Variants in BCAS3 observed in about 807,000 individuals in gnomAD.
The protein encoded by BCAS3 is BCAS4/BCAS3 fusion.
In BCAS3, 53 loss-of-function variants were observed where a neutral mutation model predicts 116.1. The ratio of observed to expected loss-of-function variants is 0.46; its 90% CI spans 0.37 to 0.57. The LOEUF (loss-of-function observed/expected upper bound fraction) is 0.57, where lower values mean the gene tolerates loss of function less well. Among genes scored for constraint, BCAS3 ranks in the 20% least tolerant of loss-of-function variants. BCAS3 has a pLI of 0.00. For missense variants in BCAS3, 917 were observed against 1,165.4 expected, an observed-to-expected ratio of 0.79 and a Z score of 3.10; for synonymous variants, 391 against 408.2, an observed-to-expected ratio of 0.96 and a Z score of 0.51.
rs1286600713 is a variant in BCAS3 at position 61,346,401 on chromosome 17, A to C, written c.2426-21926A>C. 1.3e-5 allele frequency among the ~76,000 whole-genome samples: 2 copies of C among 152,234 alleles called. No homozygotes were observed. The highest frequency in any genetic ancestry group is 3.8e-4 in the East Asian group (2 of 5,196). ...GTCTAAAGTTCTGGCCTCCGGTTCC[A>C]GCTCTGTGGCCTAATACAAAGTCAC... is the stretch of plus-strand genomic sequence containing the variant. On this transcript the variant is annotated intron_variant, in intron 22 of 23. Coordinates refer to ENST00000407086, the MANE Select transcript of BCAS3 (RefSeq NM_017679.5). The surrounding 1 kb of genome is among the most constrained non-coding windows in gnomAD (Gnocchi z 5.4).
intron 7 of BCAS3, among the ~76,000 whole-genome samples, chr17:60,823,079 A>C (rs1307595840): frequency 6.6e-6 from 1 of 152,208 alleles, no homozygotes; most frequent in Non-Finnish European, 1.5e-5. Flanking sequence ...TATGGTTTCT[A>C]GTGGTTTCTC....
intron 8 of BCAS3, among the ~76,000 whole-genome samples, chr17:60,869,656 A>G (rs2054924358): frequency 6.6e-6 from 1 of 152,236 alleles, no homozygotes; most frequent in African/African-American, 2.4e-5. Context: ...TATAGGATGT[A>G]GGAAAAATAC....
At chr17:61,271,581 G>A (rs900108275) in intron 22 of BCAS3, among the ~76,000 whole-genome samples, 3 of 138,724 alleles carry the variant, frequency 2.2e-5, no homozygotes, top group African/African-American at 5.5e-5. Flanking sequence ...CCGCCATCAC[G>A]CCCAGCTCTG....
At chr17:61,177,700 A>G (rs1282100252) in intron 22 of BCAS3, among the ~76,000 whole-genome samples, 1 of 152,218 alleles carries the variant, frequency 6.6e-6, no homozygotes, top group Non-Finnish European at 1.5e-5. Context: ...TGTCTAACTT[A>G]GTGTATGCAA....
At chr17:60,981,381 C>A (rs904328014) in intron 14 of BCAS3, among the ~76,000 whole-genome samples, 1 of 151,792 alleles carries the variant, frequency 6.6e-6, no homozygotes, top group Admixed American at 6.6e-5. Flanking sequence ...CTCCCAGGTT[C>A]AAGCAATTCT....
chr17:61,166,029 A>G (rs1022346353), intron 22 of BCAS3, among the ~76,000 whole-genome samples: 5 of 152,364 alleles, frequency 3.3e-5, no homozygotes, highest in East Asian at 1.9e-4. Context: ...TGGTAAGGAC[A>G]TAGCTAAAGT....
intron 22 of BCAS3, among the ~76,000 whole-genome samples, chr17:61,216,559 T>TTTAG (rs2081804028): frequency 6.6e-6 from 1 of 151,672 alleles, no homozygotes; most frequent in African/African-American, 2.4e-5. Context: ...TATTTATTTA[T>TTTAG]TTTTGAGTTG....
At position 61,235,907 on chromosome 17, in the gene BCAS3, C is replaced by T. The variant is rs2083019380; in HGVS notation, c.2426-132420C>T. Among the ~76,000 whole-genome samples, 1 of 152,116 alleles carries T rather than the reference C, an allele frequency of 6.6e-6. No individual in the cohort carries two copies. Among genetic ancestry groups the T allele is most frequent in the Non-Finnish European group, 1.5e-5 (1 of 68,022 alleles). On this transcript the variant is annotated intron_variant, in intron 22 of 23. Coordinates refer to ENST00000407086, the MANE Select transcript of BCAS3 (RefSeq NM_017679.5). The surrounding 1 kb of genome is among the most constrained non-coding windows in gnomAD (Gnocchi z 5.0). ...TCAGCTCACATGACATACCCAGAGG[C>T]GAATGCTAGCCTGTGCTGTTTTTGA...
At chr17:61,319,082 C>G (rs1417574670) in intron 22 of BCAS3, among the ~76,000 whole-genome samples, 1 of 152,188 alleles carries the variant, frequency 6.6e-6, no homozygotes, top group Non-Finnish European at 1.5e-5. Context: ...AAAGCCCTTC[C>G]ACTTCCAAAT....
intron 13 of BCAS3, among the ~76,000 whole-genome samples, chr17:60,930,149 C>G (rs2059570604): frequency 6.6e-6 from 1 of 152,078 alleles, no homozygotes; most frequent in African/African-American, 2.4e-5. Flanking sequence ...ATGACATACT[C>G]CAGTCCTTCT....
intron 6 of BCAS3, among the ~76,000 whole-genome samples, chr17:60,759,903 G>A (rs1170603958): frequency 6.6e-6 from 1 of 152,204 alleles, no homozygotes; most frequent in Non-Finnish European, 1.5e-5. Flanking sequence ...CTGACTTAAA[G>A]TGGTTCTCCC....
At position 61,244,383 on chromosome 17, in the gene BCAS3, T is replaced by C. The variant is rs1212551071; in HGVS notation, c.2426-123944T>C. ...TGTCCAGTAATGAATGTGTTTTCCT[T>C]TGCTTTTTTACTTAGCACTATATTG... On this transcript the variant is annotated intron_variant, in intron 22 of 23. Coordinates refer to ENST00000407086, the MANE Select transcript of BCAS3 (RefSeq NM_017679.5). This position sits in a 1 kb window ranked among gnomAD's most constrained non-coding sequence, Gnocchi z 4.9. Among the ~76,000 whole-genome samples, 1 of 152,224 alleles carries C rather than the reference T, an allele frequency of 6.6e-6. No individual in the cohort carries two copies. Among genetic ancestry groups the C allele is most frequent in the Non-Finnish European group, 1.5e-5 (1 of 68,038 alleles).
At chr17:61,304,925 T>C (rs2053730723) in intron 22 of BCAS3, among the ~76,000 whole-genome samples, 1 of 152,072 alleles carries the variant, frequency 6.6e-6, no homozygotes, top group Admixed American at 6.5e-5. Context: ...AGCTAATTTT[T>C]TTTGTATTAT....
chr17:60,800,429 T>G (rs1054261111), intron 6 of BCAS3, among the ~76,000 whole-genome samples: 10 of 152,202 alleles, frequency 6.6e-5, no homozygotes, highest in African/African-American at 2.4e-4. Context: ...CTTTGCCCAT[T>G]TTCTAATTGG....
At chr17:60,975,455 C>T (rs2062276523) in intron 14 of BCAS3, among the ~76,000 whole-genome samples, 2 of 152,282 alleles carry the variant, frequency 1.3e-5, no homozygotes, top group South Asian at 2.1e-4. Flanking sequence ...TTAAAAGAAA[C>T]CACAAACTAT....
At chr17:60,735,158 T>C (rs79371490) in intron 5 of BCAS3, among the ~76,000 whole-genome samples, 3,570 of 152,222 alleles carry the variant, frequency 0.023, 130 homozygotes, top group African/African-American at 0.079. Flanking sequence ...GTGACTTTTG[T>C]GTATTAACCT....
At chr17:60,733,973 G>C (rs1598366513) in intron 5 of BCAS3, among the ~76,000 whole-genome samples, 2 of 152,102 alleles carry the variant, frequency 1.3e-5, no homozygotes, top group South Asian at 2.1e-4. Context: ...TTATGCTCTT[G>C]ACAATGTCTT....
At chr17:61,040,714 C>G in intron 18 of BCAS3, 78 bp from the exon 19 acceptor site, 2 of 1,170,830 alleles carry the variant, frequency 1.7e-6, no homozygotes, top group Non-Finnish European at 2.6e-6. Flanking sequence ...AGTCACTGTT[C>G]ATAAGTGATG....
intron 22 of BCAS3, among the ~76,000 whole-genome samples, chr17:61,176,138 C>CAAAAAAAAAAAAAAA (rs534042215): frequency 4.0e-5 from 2 of 50,040 alleles, no homozygotes; most frequent in African/African-American, 6.6e-5. Context: ...GACCCTATCT[C>CAAAAAAAAAAAAAAA]AAAAAAAAAA....
Sources: allele counts gnomAD v4.1 joint callset (sites outside exome capture counted in the v4.1 genomes callset), GRCh38; gene constraint gnomAD v4.1.1; non-coding constraint Gnocchi (gnomAD v3.1); transcripts MANE v1.5; gene names NCBI Gene and HGNC (gene_info 2026-07-23, HGNC 2026-07-21).